The following KIAA1549L variants were observed in gnomAD, a reference collection of about 807,000 sequenced individuals.
KIAA1549L encodes the protein UPF0606 protein KIAA1549L.
In KIAA1549L, 88 loss-of-function variants were observed where a neutral mutation model predicts 160.7. The ratio of observed to expected loss-of-function variants is 0.55; its 90% CI spans 0.46 to 0.65. KIAA1549L has a LOEUF of 0.65. Among genes scored for constraint, KIAA1549L ranks in the 30% least tolerant of loss-of-function variants. The probability of loss-of-function intolerance (pLI) is 0.00; values close to 1 mark genes in which losing one functional copy is unlikely to be tolerated. For missense variants in KIAA1549L, 2,258 were observed against 2,437.5 expected, an observed-to-expected ratio of 0.93 and a Z score of 1.55; for synonymous variants, 950 against 976.7, an observed-to-expected ratio of 0.97 and a Z score of 0.51.
rs966824508 is a variant in KIAA1549L at position 33,386,917 on chromosome 11, G to A, written c.238+10028G>A. On this transcript the variant is annotated intron_variant, in intron 1 of 20. Transcript: ENST00000658780. ...AGGTCAGGAGTTCGAGACCATCCTGGTTAATGTGATGAAACCCCGTCTCTA... is the reference window on the plus strand; with the variant it reads ...AGGTCAGGAGTTCGAGACCATCCTGATTAATGTGATGAAACCCCGTCTCTA... Among the ~76,000 whole-genome samples the A allele has an allele frequency of 4.6e-5, 7 of 152,184 alleles. 1 individual carries two copies. Among genetic ancestry groups the A allele is most frequent in the Middle Eastern group, 6.8e-3 (2 of 294 alleles).
chr11:33,390,606 A>G lies in KIAA1549L; in HGVS notation c.238+13717A>G, dbSNP rs557583897. Among the ~76,000 whole-genome samples the G allele has an allele frequency of 2.1e-3, 320 of 152,344 alleles. 1 individual carries two copies. Among genetic ancestry groups the G allele is most frequent in the African/African-American group, 7.3e-3 (305 of 41,592 alleles). ...GCAGAGGCCAGAGGAGAAGGGGCAC[A>G]TGGTATAAAAATGCCTTCTTAGCCT... On this transcript the variant is annotated intron_variant, in intron 1 of 20. Coordinates refer to ENST00000658780, the MANE Select transcript of KIAA1549L (RefSeq NM_012194.3).
chr11:33,664,749 C>A (rs1047262488), intron 20 of KIAA1549L, among the ~76,000 whole-genome samples: 2 of 152,192 alleles, frequency 1.3e-5, no homozygotes, highest in African/African-American at 4.8e-5. Context: ...ACTTTGATCT[C>A]GGACTTTGCA....
In KIAA1549L at chr11:33,670,674, TGAGA is replaced by T. The variant is rs922236286; in HGVS notation, c.*2525_*2528del. ...GAAGAATCTCCTAACCTCATAGAGG[TGAGA>T]GAGATGACTGGACAGCTGACTCTAA... On this transcript the variant is annotated 3_prime_UTR_variant, in exon 21 of 21. Coordinates refer to ENST00000658780, the MANE Select transcript of KIAA1549L (RefSeq NM_012194.3). 3.3e-5 allele frequency: 5 copies of T among 152,042 alleles called. No homozygotes were observed. The highest frequency in any genetic ancestry group is 5.9e-5 in the Non-Finnish European group (4 of 67,996). The allele number at this position is 152,042 out of a possible 1,614,324, so 9.4% of individuals were successfully genotyped here.
intron 1 of KIAA1549L, among the ~76,000 whole-genome samples, chr11:33,395,896 T>C (rs1372440469): frequency 2.6e-5 from 4 of 152,148 alleles, no homozygotes; most frequent in Non-Finnish European, 5.9e-5. Context: ...GAAGGTCCAA[T>C]AGTTTTCCTG....
chr11:33,516,139 CTTTTTTTTTTTTTTTTT>C (rs927894187), intron 1 of KIAA1549L, among the ~76,000 whole-genome samples: 1 of 43,300 alleles, frequency 2.3e-5, no homozygotes, highest in South Asian at 7.7e-4. Flanking sequence ...GGAGGTGATT[CTTTTTTTTTTTTTTTTT>C]TTTTTTTTTT....
At chr11:33,482,237 A>T (rs1426035096) in intron 1 of KIAA1549L, among the ~76,000 whole-genome samples, 1 of 152,016 alleles carries the variant, frequency 6.6e-6, no homozygotes, top group African/African-American at 2.4e-5. Context: ...AATTTTCTTG[A>T]ATTTTCTAGG....
chr11:33,456,106 T>C (rs1040704618), intron 1 of KIAA1549L, among the ~76,000 whole-genome samples: 1 of 152,162 alleles, frequency 6.6e-6, no homozygotes, highest in Non-Finnish European at 1.5e-5. Flanking sequence ...GGCTTATAGG[T>C]CTCATGATAT....
intron 1 of KIAA1549L, among the ~76,000 whole-genome samples, chr11:33,399,967 C>T (rs901274929): frequency 6.6e-6 from 1 of 152,176 alleles, no homozygotes; most frequent in African/African-American, 2.4e-5. Flanking sequence ...GAGCTGACTC[C>T]GCTCATACTG....
intron 1 of KIAA1549L, among the ~76,000 whole-genome samples, chr11:33,384,950 T>G (rs1850144996): frequency 1.3e-5 from 2 of 150,588 alleles, no homozygotes; most frequent in South Asian, 2.1e-4. Flanking sequence ...TTTTGTTTTT[T>G]TTTTTTAAAA....
intron 1 of KIAA1549L, among the ~76,000 whole-genome samples, chr11:33,408,530 C>G (rs1850719621): frequency 7.1e-6 from 1 of 141,316 alleles, no homozygotes; most frequent in East Asian, 2.0e-4. Context: ...TATATGTATA[C>G]AGAAATTTTA....
intron 17 of KIAA1549L, among the ~76,000 whole-genome samples, chr11:33,646,738 C>T (rs10742300): frequency 0.69 from 105,069 of 152,112 alleles, 37,267 homozygotes; most frequent in African/African-American, 0.87. Context: ...GTACCACACT[C>T]GTCATTGATT....
At chr11:33,641,566 G>A (rs1851579593) in intron 16 of KIAA1549L, among the ~76,000 whole-genome samples, 1 of 71,348 alleles carries the variant, frequency 1.4e-5, no homozygotes, top group Non-Finnish European at 2.7e-5. Context: ...GTATGGTAAT[G>A]GATCTGTATA....
chr11:33,431,435 A>G (rs1439690233), intron 1 of KIAA1549L, among the ~76,000 whole-genome samples: 3 of 152,074 alleles, frequency 2.0e-5, no homozygotes, highest in Admixed American at 1.3e-4. Context: ...AAGGTTCTCC[A>G]TGTCCCCATC....
At chr11:33,573,984 AAG>A (rs1222285841) in intron 9 of KIAA1549L, among the ~76,000 whole-genome samples, 2 of 152,324 alleles carry the variant, frequency 1.3e-5, no homozygotes, top group African/African-American at 4.8e-5. Context: ...TTAAAGATGC[AAG>A]TAAAAATTGC....
At position 33,544,218 on chromosome 11, in the gene KIAA1549L, A is replaced by G. The variant is rs1184917748; in HGVS notation, c.2655A>G (p.Thr885=). 1 of 1,613,978 alleles carries G rather than the reference A, an allele frequency of 6.2e-7. No homozygotes were observed. The highest frequency in any genetic ancestry group is 1.1e-5 in the South Asian group (1 of 91,088). Residue 885 remains threonine, a synonymous_variant, in exon 2 of 21, where the codon ACA becomes ACG. Transcript: ENST00000658780. ...INSSPERNAS[T]PFQNILGYHS... ...CATCACCTGAGAGAAATGCTTCCAC[A>G]CCATTCCAGAACATCTTGGGATATC...
chr11:33,404,759 C>T (rs1229490447), intron 1 of KIAA1549L, among the ~76,000 whole-genome samples: 1 of 152,050 alleles, frequency 6.6e-6, no homozygotes, highest in Non-Finnish European at 1.5e-5. Flanking sequence ...CCTGTATTCC[C>T]AGCACTTTGG....
intron 14 of KIAA1549L, among the ~76,000 whole-genome samples, chr11:33,607,795 A>G (rs1164088551): frequency 6.6e-6 from 1 of 152,236 alleles, no homozygotes; most frequent in African/African-American, 2.4e-5. Flanking sequence ...GCATTTTACA[A>G]ACCCAACTCA....
chr11:33,591,928 G>A (rs946333632), intron 12 of KIAA1549L, among the ~76,000 whole-genome samples: 3 of 152,194 alleles, frequency 2.0e-5, no homozygotes, highest in African/African-American at 4.8e-5. Context: ...CTGGAATACC[G>A]AGGATGAGGT....
At chr11:33,485,508 AAAGAT>A (rs1230855913) in intron 1 of KIAA1549L, among the ~76,000 whole-genome samples, 8 of 152,202 alleles carry the variant, frequency 5.3e-5, no homozygotes, top group African/African-American at 1.9e-4. Flanking sequence ...AAGGTCAATT[AAAGAT>A]ATTTCCAGAT....
Sources: allele counts gnomAD v4.1 joint callset (sites outside exome capture counted in the v4.1 genomes callset), GRCh38; gene constraint gnomAD v4.1.1; transcripts MANE v1.5; gene names NCBI Gene and HGNC (gene_info 2026-07-23, HGNC 2026-07-21).